Variants in IL1RAPL1 observed in about 807,000 individuals in gnomAD.
IL1RAPL1 encodes interleukin 1 receptor accessory protein like 1, also known as interleukin-1 receptor accessory protein-like 1.
In IL1RAPL1, 3 loss-of-function variants were observed where a neutral mutation model predicts 48.4. The observed-to-expected ratio is 0.06, with a 90% CI of 0.03 to 0.16. The LOEUF is 0.16. Among genes scored for constraint, IL1RAPL1 ranks in the 10% least tolerant of loss-of-function variants. The pLI is 1.00. For missense variants in IL1RAPL1, 349 were observed against 530.6 expected, an observed-to-expected ratio of 0.66 and a Z score of 3.36; for synonymous variants, 185 against 187.7, an observed-to-expected ratio of 0.99 and a Z score of 0.12.
chrX:29,373,077 T>C (rs980824501), intron 3 of IL1RAPL1, among the ~76,000 whole-genome samples: 2 of 111,681 alleles, frequency 1.8e-5, no homozygotes, highest in East Asian at 5.6e-4. Context: ...TTTGCATTTA[T>C]TTGTGTAATC....
chrX:29,170,566 G>A (rs926709791), intron 2 of IL1RAPL1, among the ~76,000 whole-genome samples: 3 of 111,319 alleles, frequency 2.7e-5, no homozygotes, highest in Non-Finnish European at 5.7e-5. Flanking sequence ...TGAATAGGTT[G>A]GATGTCTCCT....
chrX:28,608,852 G>A (rs1441525738), intron 1 of IL1RAPL1, among the ~76,000 whole-genome samples: 1 of 111,778 alleles, frequency 8.9e-6, no homozygotes, highest in Non-Finnish European at 1.9e-5. Flanking sequence ...TAATTTAGAT[G>A]TGCATTTTAA....
rs563228840 is a variant in IL1RAPL1, at chrX:29,555,550, C to T, written c.704-112880C>T. On this transcript the variant is annotated intron_variant, in intron 5 of 10. Coordinates refer to ENST00000378993, the MANE Select transcript of IL1RAPL1 (RefSeq NM_014271.4). ...CTCATCTCTTGAAGAGATGGCTAGC[C>T]ATTTCTTCTGTGATGTCTCAAATGT... is the stretch of plus-strand genomic sequence containing the variant. Among the ~76,000 whole-genome samples the T allele has an allele frequency of 3.6e-5, 4 of 112,126 alleles. No homozygotes were observed. In the Admixed American group the frequency reaches 3.8e-4, roughly 11 times the overall value.
chrX:29,903,938 G>A (rs764114811), intron 6 of IL1RAPL1, among the ~76,000 whole-genome samples: 83 of 112,102 alleles, frequency 7.4e-4, no homozygotes, highest in African/African-American at 2.6e-3. Context: ...TGCAGACCTG[G>A]CTGACTGATA....
intron 5 of IL1RAPL1, among the ~76,000 whole-genome samples, chrX:29,472,594 G>T (rs1246754945): frequency 9.0e-6 from 1 of 111,302 alleles, no homozygotes; most frequent in Non-Finnish European, 1.9e-5. Context: ...GCTTGACAAG[G>T]CACAACATTT....
At position 29,766,406 on chromosome X, in the gene IL1RAPL1, AATATAT is replaced by A. The variant is rs57656353; in HGVS notation, c.778+97909_778+97914del. Among the ~76,000 whole-genome samples the A allele has an allele frequency of 7.4e-5, 7 of 94,672 alleles. No homozygotes were observed. The East Asian group carries it at 2.2e-3, about 29-fold the overall frequency. 82.2% of individuals were successfully genotyped at this position (94,672 alleles called of 115,157 possible). A position where few individuals can be genotyped will look rare whatever the true frequency, so the allele number is the denominator to read the frequency against. On this transcript the variant is annotated intron_variant, in intron 6 of 10. Coordinates refer to ENST00000378993, the MANE Select transcript of IL1RAPL1 (RefSeq NM_014271.4). Reference sequence around the variant, plus strand: ...ATAGATATTTTTATATATATATCCAAATATATATATATTTATATATCCAAATATATA... The same window carrying A: ...ATAGATATTTTTATATATATATCCAAATATATTTATATATCCAAATATATA...
intron 1 of IL1RAPL1, among the ~76,000 whole-genome samples, chrX:28,591,323 A>T (rs1405974262): frequency 1.8e-5 from 2 of 112,348 alleles, no homozygotes; most frequent in Non-Finnish European, 3.8e-5. Flanking sequence ...ACATATGTGA[A>T]CAAATCAGTA....
intron 2 of IL1RAPL1, among the ~76,000 whole-genome samples, chrX:29,275,363 G>T (rs1266626033): frequency 1.8e-5 from 2 of 111,335 alleles, no homozygotes; most frequent in Non-Finnish European, 3.8e-5. Context: ...TTTTGGCATG[G>T]TGTCTTGCCA....
At chrX:28,897,719 C>G (rs755178705) in intron 2 of IL1RAPL1, among the ~76,000 whole-genome samples, 12 of 111,977 alleles carry the variant, frequency 1.1e-4, no homozygotes, top group African/African-American at 3.2e-4. Flanking sequence ...AAATTTCACT[C>G]GCGTCTGTGT....
intron 5 of IL1RAPL1, among the ~76,000 whole-genome samples, chrX:29,537,356 A>G (rs1246836059): frequency 9.0e-6 from 1 of 110,991 alleles, no homozygotes; most frequent in Non-Finnish European, 1.9e-5. Context: ...TTGGGTCCCA[A>G]TACTGAGCAA....
At chrX:28,935,332 T>TAC (rs966923151) in intron 2 of IL1RAPL1, among the ~76,000 whole-genome samples, 6 of 110,393 alleles carry the variant, frequency 5.4e-5, no homozygotes, top group African/African-American at 2.0e-4. Flanking sequence ...CTTCCTTGGT[T>TAC]ATATATATAT....
chrX:28,604,792 A>G (rs1301600942), intron 1 of IL1RAPL1, among the ~76,000 whole-genome samples: 1 of 110,387 alleles, frequency 9.1e-6, no homozygotes, highest in Non-Finnish European at 1.9e-5. Context: ...GCTACATAAT[A>G]AATGCTAATC....
rs1186953403 is a variant in IL1RAPL1 at position 28,631,744 on chromosome X, A to G, written c.-25+43697A>G. On this transcript the variant is annotated intron_variant, in intron 1 of 10. Coordinates refer to ENST00000378993, the MANE Select transcript of IL1RAPL1 (RefSeq NM_014271.4). Reference sequence around the variant, plus strand: ...ATTAAGAAGGTTTCAACACTATTTTAGACAAAGGACTTCTGACTATCCTAA... The same window carrying G: ...ATTAAGAAGGTTTCAACACTATTTTGGACAAAGGACTTCTGACTATCCTAA... Among the ~76,000 whole-genome samples, 45 of 112,891 alleles carry G rather than the reference A, an allele frequency of 4.0e-4. 3 individuals carry two copies. Among genetic ancestry groups the G allele is most frequent in the Non-Finnish European group, 3.7e-5 (2 of 53,360 alleles).
intron 5 of IL1RAPL1, among the ~76,000 whole-genome samples, chrX:29,407,946 T>G (rs1289572220): frequency 8.9e-6 from 1 of 112,405 alleles, no homozygotes; most frequent in Non-Finnish European, 1.9e-5. Context: ...ACTTCCATAT[T>G]GTTAAATAAA....
At chrX:28,736,032 T>TCAA (rs1021417780) in intron 1 of IL1RAPL1, among the ~76,000 whole-genome samples, 6 of 111,539 alleles carry the variant, frequency 5.4e-5, no homozygotes, top group African/African-American at 2.0e-4. Flanking sequence ...GTTGTTAAAT[T>TCAA]CAAGATATTA....
intron 5 of IL1RAPL1, among the ~76,000 whole-genome samples, chrX:29,440,534 C>G (rs766251850): frequency 2.7e-5 from 3 of 111,773 alleles, no homozygotes; most frequent in Admixed American, 9.5e-5. Context: ...ACCAATCATT[C>G]ATAAGAGAGG....
At chrX:29,514,152 T>C (rs886817865) in intron 5 of IL1RAPL1, among the ~76,000 whole-genome samples, 2 of 111,788 alleles carry the variant, frequency 1.8e-5, no homozygotes, top group Non-Finnish European at 3.8e-5. Context: ...GTAAAAATTA[T>C]ACATATATAT....
chrX:29,272,827 G>T (rs1015313205), intron 2 of IL1RAPL1, among the ~76,000 whole-genome samples: 1 of 111,772 alleles, frequency 8.9e-6, no homozygotes, highest in Non-Finnish European at 1.9e-5. Context: ...TGGAGGTTTT[G>T]TTCATTCTTC....
chrX:29,407,169 A>G (rs982455820), intron 5 of IL1RAPL1, among the ~76,000 whole-genome samples: 1 of 111,684 alleles, frequency 9.0e-6, no homozygotes, highest in Non-Finnish European at 1.9e-5. Flanking sequence ...GAACTCAACT[A>G]GGCAAAGAAA....
Sources: gnomAD v4.1 joint callset for allele counts (sites outside exome capture counted in the v4.1 genomes callset) on GRCh38, gnomAD v4.1.1 for gene constraint, MANE v1.5 for transcripts, NCBI Gene and HGNC (gene_info 2026-07-23, HGNC 2026-07-21) for gene names.